Variants in NEBL observed in about 807,000 individuals in gnomAD.
NEBL encodes the protein LIM and SH3 protein 2.
In NEBL, 122 loss-of-function variants were observed where a neutral mutation model predicts 140.2. The ratio of observed to expected loss-of-function variants is 0.87; its 90% CI spans 0.75 to 1.01. The LOEUF is 1.01. Among genes scored for constraint, NEBL ranks in the 50% least tolerant of loss-of-function variants. NEBL has a pLI of 0.00. For missense variants in NEBL, 1,365 were observed against 1,231.3 expected, an observed-to-expected ratio of 1.11 and a Z score of -1.62; for synonymous variants, 436 against 398.9, an observed-to-expected ratio of 1.09 and a Z score of -1.11.
intron 4 of NEBL, among the ~76,000 whole-genome samples, chr10:20,932,890 A>G (rs1834265012): frequency 6.6e-6 from 1 of 152,250 alleles, no homozygotes; most frequent in African/African-American, 2.4e-5. Context: ...GCATATTTTC[A>G]TCACAGATTC....
At chr10:21,042,794 A>C (rs1366592409) in intron 2 of NEBL, among the ~76,000 whole-genome samples, 1 of 152,222 alleles carries the variant, frequency 6.6e-6, no homozygotes, top group Non-Finnish European at 1.5e-5. Flanking sequence ...TAATGCAACA[A>C]TTTTCTCTTT....
At chr10:21,221,516 T>TTCTC (rs200353826) in intron 3 of NEBL, among the ~76,000 whole-genome samples, 3,998 of 148,478 alleles carry the variant, frequency 0.027, 67 homozygotes, top group South Asian at 0.042. Flanking sequence ...CTTTCTTTCT[T>TTCTC]TTTTTTTTGA....
At chr10:21,097,797 C>G (rs147333064) in intron 2 of NEBL, among the ~76,000 whole-genome samples, 1 of 152,256 alleles carries the variant, frequency 6.6e-6, no homozygotes, top group African/African-American at 2.4e-5. Flanking sequence ...CCCTGAAACA[C>G]GACAGGAACC....
chr10:21,025,318 T>G (rs545643571), intron 2 of NEBL, among the ~76,000 whole-genome samples: 4 of 152,226 alleles, frequency 2.6e-5, no homozygotes, highest in Non-Finnish European at 5.9e-5. Flanking sequence ...AGATGAGCTA[T>G]GCAAGAATTG....
At chr10:21,120,494 A>AGG (rs1838514430) in intron 2 of NEBL, among the ~76,000 whole-genome samples, 1 of 144,996 alleles carries the variant, frequency 6.9e-6, no homozygotes, top group Non-Finnish European at 1.5e-5. Context: ...AAGTAGTCCA[A>AGG]GGGTTGATAC....
intron 18 of NEBL, among the ~76,000 whole-genome samples, chr10:20,824,676 G>A (rs1839664861): frequency 6.6e-6 from 1 of 152,132 alleles, no homozygotes; most frequent in African/African-American, 2.4e-5. Context: ...TGCATTTATT[G>A]TTTGCTAGAA....
At chr10:20,866,804 T>C (rs1588876021) in intron 7 of NEBL, among the ~76,000 whole-genome samples, 1 of 152,226 alleles carries the variant, frequency 6.6e-6, no homozygotes, top group Middle Eastern at 3.2e-3. Flanking sequence ...CCCTTTCTAC[T>C]AATAAATTTG....
intron 5 of NEBL, among the ~76,000 whole-genome samples, chr10:20,874,339 C>A (rs1357710633): frequency 2.0e-5 from 3 of 152,180 alleles, no homozygotes; most frequent in African/African-American, 7.2e-5. Flanking sequence ...CCAGATACCC[C>A]ATCCATTTGG....
intron 2 of NEBL, among the ~76,000 whole-genome samples, chr10:21,157,336 G>A (rs1035934170): frequency 2.0e-5 from 3 of 152,108 alleles, no homozygotes; most frequent in Non-Finnish European, 2.9e-5. Flanking sequence ...TTGGGAGGCC[G>A]AGGTGGGTGG....
chr10:21,110,218 A>G (rs1162966545), intron 2 of NEBL, among the ~76,000 whole-genome samples: 2 of 152,140 alleles, frequency 1.3e-5, no homozygotes, highest in Admixed American at 1.3e-4. Context: ...ATTTACTGAA[A>G]GAGTCTGTAG....
In NEBL at chr10:20,781,684, G is replaced by C. The variant is rs1835046689; in HGVS notation, c.*4063C>G. ...TCTTCCAAGTTTATGGGTTCAAGTA[G>C]TCTAAGCATCACAGAATAATAACCA... is the stretch of plus-strand genomic sequence containing the variant. On this transcript the variant is annotated 3_prime_UTR_variant, in exon 28 of 28. Transcript: ENST00000377122. 2 of 152,568 alleles carry C rather than the reference G, an allele frequency of 1.3e-5. No homozygotes were observed. Among genetic ancestry groups the C allele is most frequent in the African/African-American group, 4.8e-5 (2 of 41,458 alleles). 9.5% of individuals were successfully genotyped at this position (152,568 alleles called of 1,614,324 possible).
chr10:21,032,961 A>G (rs684390), intron 2 of NEBL, among the ~76,000 whole-genome samples: 92,524 of 152,058 alleles, frequency 0.61, 28,195 homozygotes, highest in East Asian at 0.73. Flanking sequence ...TCGGCTATTG[A>G]AACATGTCAC....
chr10:21,227,850 C>T (rs1364634481), intron 3 of NEBL, among the ~76,000 whole-genome samples: 1 of 147,264 alleles, frequency 6.8e-6, no homozygotes, highest in Admixed American at 6.8e-5. Context: ...CTTTCTTCTT[C>T]TTTCTTCTTC....
In NEBL at chr10:20,808,510, C is replaced by G. The variant is rs1057518516; in HGVS notation, c.2761G>C (p.Ala921Pro). The G allele has an allele frequency of 1.2e-5, 20 of 1,613,592 alleles. No homozygotes were observed. Among genetic ancestry groups the G allele is most frequent in the Admixed American group, 3.3e-5 (2 of 59,984 alleles). Reference protein sequence around the residue: ...SEVTRPSDEGAPVLPGAYQQS... With the variant: ...SEVTRPSDEGPPVLPGAYQQS... ...TTTGTAAGCAGTGAATGTTTGATAC[C>G]TCCTTCATCAGACGGTCTTGTTACC... The change falls in exon 26 of 28, where the codon GCA becomes CCA. Residue 921 changes from alanine to proline, a missense_variant and splice_region_variant. By Grantham distance (27) the Ala-to-Pro change is conservative. Transcript: ENST00000377122.
At chr10:21,275,971 T>TC (rs1251310839) in intron 1 of NEBL, among the ~76,000 whole-genome samples, 1 of 145,348 alleles carries the variant, frequency 6.9e-6, no homozygotes, top group Admixed American at 6.9e-5. Flanking sequence ...GCCCTTTCTT[T>TC]TTTTTTTTTT....
chr10:20,873,191 A>T (rs1209127203), intron 5 of NEBL, among the ~76,000 whole-genome samples: 3 of 152,204 alleles, frequency 2.0e-5, no homozygotes, highest in Non-Finnish European at 4.4e-5. Flanking sequence ...AGAGGCTTGG[A>T]GTTCAAAGTG....
chr10:20,928,069 A>AATT (rs1304084792), intron 4 of NEBL, among the ~76,000 whole-genome samples: 1 of 152,232 alleles, frequency 6.6e-6, no homozygotes, highest in Non-Finnish European at 1.5e-5. Flanking sequence ...ATTGATATAA[A>AATT]ATTATTAATG....
chr10:20,915,444 C>A (rs868589441), intron 4 of NEBL, among the ~76,000 whole-genome samples: 19 of 148,550 alleles, frequency 1.3e-4, no homozygotes, highest in Middle Eastern at 3.4e-3. Context: ...TGTGATGTTC[C>A]CCTTCCTGTG....
chr10:20,816,537 G>A (rs1434754628), intron 21 of NEBL, among the ~76,000 whole-genome samples: 2 of 152,192 alleles, frequency 1.3e-5, no homozygotes, highest in Non-Finnish European at 2.9e-5. Flanking sequence ...GGAAAGATGA[G>A]CGTCTACTTC....
Sources: allele counts gnomAD v4.1 joint callset (sites outside exome capture counted in the v4.1 genomes callset), GRCh38; gene constraint gnomAD v4.1.1; transcripts MANE v1.5; gene names NCBI Gene and HGNC (gene_info 2026-07-23, HGNC 2026-07-21).